Variants in TTC19 observed in about 807,000 individuals in gnomAD.
TTC19 encodes tetratricopeptide repeat protein 19, mitochondrial.
In TTC19, 38 loss-of-function variants were observed where a neutral mutation model predicts 49.5. The observed-to-expected ratio is 0.77, with a 90% confidence interval of 0.59 to 1.01. TTC19 has a LOEUF of 1.01. TTC19 is among the 50% of genes least tolerant of loss of function. TTC19 has a pLI of 0.00. For missense variants in TTC19, 475 were observed against 477.7 expected, an observed-to-expected ratio of 0.99 and a Z score of 0.05; for synonymous variants, 204 against 185.2, an observed-to-expected ratio of 1.10 and a Z score of -0.83.
At chr17:16,038,857 G>A (rs1367314752) in intron 2 of TTC19, among the ~76,000 whole-genome samples, 1 of 152,080 alleles carries the variant, frequency 6.6e-6, no homozygotes, top group Non-Finnish European at 1.5e-5. Flanking sequence ...AGCAACCTCC[G>A]CCTCTCGGGT....
chr17:16,044,402 G>A (rs1434356714), intron 2 of TTC19: 9 of 471,258 alleles, frequency 1.9e-5, no homozygotes, highest in South Asian at 1.1e-4. Context: ...CATCCACCAG[G>A]CAGTTCACAG....
chr17:16,044,760 T>A lies in TTC19; in HGVS notation c.*205T>A, dbSNP rs909351058. ...GTTGAACCTTTTTGGTCCAGCTTGT[T>A]TGCAATGGCCCTGGCCAATGTCAAC... On this transcript the variant is annotated 3_prime_UTR_variant, in exon 3 of 3. Transcript: ENST00000470649. 8 of 865,414 alleles carry A rather than the reference T, an allele frequency of 9.2e-6. No homozygotes were observed. The Admixed American group carries it at 1.4e-4, about 15-fold the overall frequency. The allele number at this position is 865,414 out of a possible 1,614,324, so 53.6% of individuals were successfully genotyped here.
chr17:16,010,361 A>T (rs568730051), intron 7 of TTC19, among the ~76,000 whole-genome samples: 1 of 149,360 alleles, frequency 6.7e-6, no homozygotes, highest in South Asian at 2.1e-4. Context: ...TTTAGTAGAG[A>T]CAGGGTTTCA....
chr17:16,013,074 C>T (rs980184145), intron 7 of TTC19, among the ~76,000 whole-genome samples: 3 of 152,084 alleles, frequency 2.0e-5, no homozygotes, highest in Non-Finnish European at 4.4e-5. Context: ...CACGGTGGCA[C>T]ATGCCTGTGG....
At chr17:16,030,809 G>GTGAT (rs1282183541), downstream of TTC19, 1 of 183,242 alleles carries the variant, frequency 5.5e-6, no homozygotes, top group Non-Finnish European at 1.2e-5. Context: ...TTAGACACCA[G>GTGAT]TGATAGGAGG....
intron 2 of TTC19, chr17:16,039,160 A>G: frequency 4.9e-6 from 2 of 406,634 alleles, no homozygotes; most frequent in Non-Finnish European, 9.0e-6. Context: ...ACAATGCAGT[A>G]TGTATAGATG....
At chr17:16,019,287 C>G (rs905507213) in intron 7 of TTC19, among the ~76,000 whole-genome samples, 5 of 152,124 alleles carry the variant, frequency 3.3e-5, no homozygotes, top group African/African-American at 1.2e-4. Flanking sequence ...GAGCCGAGAT[C>G]GTGCCACTGC....
intron 7 of TTC19, among the ~76,000 whole-genome samples, chr17:16,008,823 G>C (rs151252232): frequency 6.6e-6 from 1 of 152,154 alleles, no homozygotes; most frequent in Non-Finnish European, 1.5e-5. Context: ...CTTCCTCAGA[G>C]TGCTCCCTTC....
intron 7 of TTC19, among the ~76,000 whole-genome samples, chr17:16,022,576 T>C (rs928514693): frequency 6.6e-6 from 1 of 152,246 alleles, no homozygotes; most frequent in Non-Finnish European, 1.5e-5. Context: ...TAGAGGCCTA[T>C]GCTCAAGTTT....
At chr17:16,004,721 G>A (rs1396223004) in intron 6 of TTC19, among the ~76,000 whole-genome samples, 2 of 152,188 alleles carry the variant, frequency 1.3e-5, no homozygotes, top group African/African-American at 4.8e-5. Context: ...TTTAGGGAGA[G>A]ACCTAAGACT....
intron 7 of TTC19, among the ~76,000 whole-genome samples, chr17:16,010,568 C>T (rs970725357): frequency 7.0e-6 from 1 of 142,426 alleles, no homozygotes; most frequent in Admixed American, 7.0e-5. Context: ...TCTGCCTCCC[C>T]GGTTCAAGCG....
At chr17:16,040,579 A>C in intron 2 of TTC19, 2 of 1,129,092 alleles carry the variant, frequency 1.8e-6, no homozygotes, top group Non-Finnish European at 2.6e-6. Flanking sequence ...CTATAATAAA[A>C]TTAATCTTTT....
chr17:16,039,331 T>TAA, intron 2 of TTC19: 2 of 1,149,866 alleles, frequency 1.7e-6, no homozygotes, highest in East Asian at 5.1e-5. Context: ...TCTGAGCACA[T>TAA]AAAGACATAA....
Position 16,025,142 on chromosome 17 carries a change from G to A in TTC19, c.802G>A (p.Glu268Lys). Residue 268 changes from glutamate (E) to lysine (K), a missense_variant, in exon 8 of 10, where the codon GAA becomes AAA. Transcript: ENST00000261647. Reference sequence around the variant, plus strand: ...GTATGAAAAAGCTCTGCAGATTTCTGAAGAAATACAAGGAGAAAGACACCC... The same window carrying A: ...GTATGAAAAAGCTCTGCAGATTTCTAAAGAAATACAAGGAGAAAGACACCC... ...RMYEKALQIS[E>K]EIQGERHPQT... 1 of 1,613,974 alleles carries A rather than the reference G, an allele frequency of 6.2e-7. No individual in the cohort carries two copies. The highest frequency in any genetic ancestry group is 1.1e-5 in the South Asian group (1 of 91,072).
intron 7 of TTC19, among the ~76,000 whole-genome samples, chr17:16,011,106 G>C (rs1386127424): frequency 6.6e-6 from 1 of 152,202 alleles, no homozygotes; most frequent in Non-Finnish European, 1.5e-5. Context: ...AGCTTTCCCA[G>C]TATTCTAGAG....
intron 2 of TTC19, among the ~76,000 whole-genome samples, chr17:16,041,871 G>A (rs2057754580): frequency 6.6e-6 from 1 of 151,882 alleles, no homozygotes; most frequent in Non-Finnish European, 1.5e-5. Context: ...CGAGTGGCTG[G>A]GACTACAGGC....
intron 6 of TTC19, among the ~76,000 whole-genome samples, chr17:16,005,416 G>A (rs1336419146): frequency 6.6e-6 from 1 of 152,208 alleles, no homozygotes; most frequent in Non-Finnish European, 1.5e-5. Context: ...GAGCAGAACA[G>A]TAGGGTCATA....
At chr17:16,016,121 T>C (rs1971206540) in intron 7 of TTC19, among the ~76,000 whole-genome samples, 1 of 152,224 alleles carries the variant, frequency 6.6e-6, no homozygotes, top group Non-Finnish European at 1.5e-5. Context: ...ATGAGGTTAT[T>C]GATTTAAGGT....
At chr17:16,006,017 T>C (rs904609660) in intron 6 of TTC19, among the ~76,000 whole-genome samples, 1 of 152,260 alleles carries the variant, frequency 6.6e-6, no homozygotes, top group African/African-American at 2.4e-5. Context: ...GATTTGACAC[T>C]ACTTAGACTT....
Sources: allele counts gnomAD v4.1 joint callset (sites outside exome capture counted in the v4.1 genomes callset), GRCh38; gene constraint gnomAD v4.1.1; transcripts MANE v1.5; gene names NCBI Gene and HGNC (gene_info 2026-07-23, HGNC 2026-07-21).